The following C22orf23 variants were observed in gnomAD, a reference collection of about 807,000 sequenced individuals.
C22orf23 encodes the protein chromosome 22 open reading frame 23.
A neutral mutation model predicts 29.7 loss-of-function variants in C22orf23; 30 were observed. That is an observed-to-expected ratio of 1.01 (90% CI 0.76 to 1.37). C22orf23 has a LOEUF of 1.37. Ranked by LOEUF, C22orf23 falls within the 40% of genes most tolerant of loss-of-function variation. The probability of loss-of-function intolerance (pLI) is 0.00; values close to 1 mark genes in which losing one functional copy is unlikely to be tolerated. For missense variants in C22orf23, 237 were observed against 273.1 expected (o/e 0.87, Z 0.93); for synonymous variants, 90 against 96.1 (o/e 0.94, Z 0.37).
At position 37,951,179 on chromosome 22, in the gene C22orf23, T is replaced by G. The variant is rs1930989481; in HGVS notation, c.166+281A>C. 1.1e-5 allele frequency: 3 copies of G among 265,166 alleles called. 1 individual carries two copies. The South Asian group carries it at 1.7e-4, about 15-fold the overall frequency. 16.4% of individuals were successfully genotyped at this position (265,166 alleles called of 1,614,324 possible). On this transcript the variant is annotated intron_variant, in intron 3 of 6. Coordinates refer to ENST00000403305, the MANE Select transcript of C22orf23 (RefSeq NM_032561.5). ...GTGAGCCGAGATTGCGCCACTGCAC[T>G]CCAGCCTGGGCGACAGAGTGAGACT...
chr22:37,947,757 G>A (rs552038373), intron 3 of C22orf23, among the ~76,000 whole-genome samples: 2 of 150,682 alleles, frequency 1.3e-5, no homozygotes, highest in South Asian at 4.3e-4. Context: ...CACCCACCTC[G>A]GCCTCCCAAA....
At chr22:37,951,431 C>G (rs1931002670) in intron 3 of C22orf23, 29 bp downstream of exon 3, 4 of 1,600,008 alleles carry the variant, frequency 2.5e-6, no homozygotes, top group Middle Eastern at 1.7e-4. Flanking sequence ...ATCCCTCTGT[C>G]CAGGAAGCCT....
intron 3 of C22orf23, among the ~76,000 whole-genome samples, chr22:37,948,369 G>A (rs1930825291): frequency 6.6e-6 from 1 of 151,978 alleles, no homozygotes; most frequent in African/African-American, 2.4e-5. Context: ...AGAATCACTT[G>A]AACCCAGGAG....
rs879775391 is a variant in C22orf23 at position 37,943,890 on chromosome 22, G to C, written c.*285C>G. 16 of 502,676 alleles carry C rather than the reference G, an allele frequency of 3.2e-5. 1 individual carries two copies. The highest frequency in any genetic ancestry group is 1.1e-3 in the Middle Eastern group (2 of 1,874). The allele number at this position is 502,676 out of a possible 1,614,324, so 31.1% of individuals were successfully genotyped here. ...AATGAACAGGCCACAGGTCAGAAGT[G>C]GTGGGAAGCAGGCCCAGTGGATACC... On this transcript the variant is annotated 3_prime_UTR_variant, in exon 7 of 7. Transcript: ENST00000403305.
rs1016210836 is a variant in C22orf23 at position 37,944,067 on chromosome 22, C to T, written c.*108G>A. 2.6e-5 allele frequency: 26 copies of T among 1,010,856 alleles called. No homozygotes were observed. Among genetic ancestry groups the T allele is most frequent in the East Asian group, 7.1e-5 (3 of 41,966 alleles). 62.6% of individuals were successfully genotyped at this position (1,010,856 alleles called of 1,614,324 possible). ...AGGGCAGTGCTATGCCACCACCTGA[C>T]GTGGCAGAAGGCTGGTAGGATGGGC... On this transcript the variant is annotated 3_prime_UTR_variant, in exon 7 of 7. Transcript: ENST00000403305.
At chr22:37,945,842 G>A (rs946586024) in intron 4 of C22orf23, among the ~76,000 whole-genome samples, 2 of 149,184 alleles carry the variant, frequency 1.3e-5, no homozygotes, top group African/African-American at 4.9e-5. Context: ...GTCCAGGCAC[G>A]GTGGCTCACA....
At position 37,947,305 on chromosome 22, in the gene C22orf23, C is replaced by G; in HGVS notation, c.325G>C (p.Glu109Gln). Reference sequence around the variant, plus strand: ...CTGGTGGCTTGAGGCTTGAACTGCTCCCGGCTGTAGGCCCCATTGGCTTGA... The same window carrying G: ...CTGGTGGCTTGAGGCTTGAACTGCTGCCGGCTGTAGGCCCCATTGGCTTGA... ...MCQANGAYSREQFKPQATRDL... is the reference protein window; with the variant it reads ...MCQANGAYSRQQFKPQATRDL... The change falls in exon 4 of 7, where the codon GAG becomes CAG. Residue 109 changes from glutamate to glutamine, a missense_variant. Glu to Gln is a conservative substitution (Grantham distance 29). Coordinates refer to ENST00000403305, the MANE Select transcript of C22orf23 (RefSeq NM_032561.5). The G allele has an allele frequency of 1.2e-6, 2 of 1,613,926 alleles. No homozygotes were observed. The highest frequency in any genetic ancestry group is 1.7e-6 in the Non-Finnish European group (2 of 1,180,006).
At chr22:37,953,250 G>A (rs536398996) in intron 1 of C22orf23, 92 bp from the exon 2 acceptor site, 61 of 873,202 alleles carry the variant, frequency 7.0e-5, no homozygotes, top group Non-Finnish European at 1.0e-4. Flanking sequence ...TCTGGAAGCG[G>A]GGATCGAGCC....
intron 5 of C22orf23, 99 bp from the exon 6 acceptor site, chr22:37,944,616 CT>C: frequency 9.2e-7 from 1 of 1,086,518 alleles, no homozygotes; most frequent in Middle Eastern, 3.0e-4. Flanking sequence ...AATAGTGTTT[CT>C]AGGCCGGGCG....
chr22:37,953,614 A>C (rs1931213715), upstream of C22orf23: 1 of 716,734 alleles, frequency 1.4e-6, no homozygotes, highest in South Asian at 1.9e-5. Context: ...AAACGCGCAC[A>C]CACCAGTCAG....
At chr22:37,951,345 G>T in intron 3 of C22orf23, 115 bp downstream of exon 3, 2 of 923,170 alleles carry the variant, frequency 2.2e-6, no homozygotes, top group South Asian at 1.5e-5. Context: ...TGAGCCACGT[G>T]CCCGGCTGTC....
intron 3 of C22orf23, among the ~76,000 whole-genome samples, chr22:37,950,480 G>A (rs1930948973): frequency 1.3e-5 from 2 of 151,496 alleles, no homozygotes; most frequent in African/African-American, 2.4e-5. Context: ...CCACTCGGTC[G>A]CCCAGGCTGG....
At chr22:37,945,337 CAA>C (rs1382538197) in intron 4 of C22orf23, among the ~76,000 whole-genome samples, 164 bp from the exon 5 acceptor site, 12 of 152,134 alleles carry the variant, frequency 7.9e-5, no homozygotes, top group Admixed American at 5.9e-4. Context: ...ACTGTACTGT[CAA>C]GAGAGGCAGG....
At chr22:37,947,893 G>A (rs1212392679) in intron 3 of C22orf23, among the ~76,000 whole-genome samples, 1 of 151,536 alleles carries the variant, frequency 6.6e-6, no homozygotes, top group Admixed American at 6.6e-5. Context: ...ATCACTTGAG[G>A]TCAGGAATTC....
intron 2 of C22orf23, chr22:37,951,797 CTTTTTTTTTTTT>C (rs551481283): frequency 0.03 from 1,164 of 38,942 alleles, 28 homozygotes; most frequent in African/African-American, 0.11. Context: ...TCCTCTTTCT[CTTTTTTTTTTTT>C]TTTTTTTTTT....
rs1316994547 is a variant in C22orf23, at chr22:37,943,215, G to A, written c.*960C>T. ...GGATCGTGGGTGTCAGGAGCCAGAG[G>A]GGAGGGGGACAGATGTGCTGTGTAC... is the stretch of plus-strand genomic sequence containing the variant. On this transcript the variant is annotated 3_prime_UTR_variant, in exon 7 of 7. Coordinates refer to ENST00000403305, the MANE Select transcript of C22orf23 (RefSeq NM_032561.5). 1 of 152,164 alleles carries A rather than the reference G, an allele frequency of 6.6e-6. No individual in the cohort carries two copies. The highest frequency in any genetic ancestry group is 2.4e-5 in the African/African-American group (1 of 41,406). The allele number at this position is 152,164 out of a possible 1,614,324, so 9.4% of individuals were successfully genotyped here.
At chr22:37,946,153 G>A (rs1930689099) in intron 4 of C22orf23, among the ~76,000 whole-genome samples, 1 of 152,122 alleles carries the variant, frequency 6.6e-6, no homozygotes. Flanking sequence ...CAGCTACTCG[G>A]GAGGCTGAGG....
At position 37,951,607 on chromosome 22, in the gene C22orf23, A is replaced by G; in HGVS notation, c.104-85T>C. 2.5e-6 allele frequency: 3 copies of G among 1,183,978 alleles called. No homozygotes were observed. The South Asian group carries it at 3.7e-5, about 15-fold the overall frequency. The allele number at this position is 1,183,978 out of a possible 1,614,324, so 73.3% of individuals were successfully genotyped here. ...ACCCTACTGAAATTTAAAACCCTAC[A>G]TCCTAGCCCCATTCTGCACTGAGCA... On this transcript the variant is annotated intron_variant, in intron 2 of 6. Transcript: ENST00000403305.
chr22:37,950,434 A>T (rs967140720), intron 3 of C22orf23, among the ~76,000 whole-genome samples: 11 of 151,058 alleles, frequency 7.3e-5, no homozygotes, highest in African/African-American at 1.7e-4. Flanking sequence ...ATTTTAATTT[A>T]ATTTTATTTT....
Sources: allele counts gnomAD v4.1 joint callset (sites outside exome capture counted in the v4.1 genomes callset), GRCh38; gene constraint gnomAD v4.1.1; transcripts MANE v1.5; gene names NCBI Gene and HGNC (gene_info 2026-07-23, HGNC 2026-07-21).